Variants in USH2A observed in about 807,000 individuals in gnomAD.
USH2A encodes the protein usherin.
In USH2A, 443 loss-of-function variants were observed where a neutral mutation model predicts 538.9. The observed-to-expected ratio is 0.82, with a 90% confidence interval of 0.76 to 0.89. The LOEUF (loss-of-function observed/expected upper bound fraction) is 0.89, where lower values mean the gene tolerates loss of function less well. USH2A is among the 40% of genes least tolerant of loss of function. The pLI is 0.00. For synonymous variants in USH2A, 2,413 were observed against 2,273.5 expected (o/e 1.06, Z -1.75); for missense variants, 6,633 against 6,324.8 (o/e 1.05, Z -1.65).
At chr1:216,271,353 C>A (rs951252110) in intron 11 of USH2A, among the ~76,000 whole-genome samples, 1 of 152,068 alleles carries the variant, frequency 6.6e-6, no homozygotes, top group Non-Finnish European at 1.5e-5. Context: ...GAATATAAAG[C>A]GGTTTTTCAT....
At chr1:215,850,190 G>A (rs1391692027) in intron 44 of USH2A, among the ~76,000 whole-genome samples, 1 of 151,998 alleles carries the variant, frequency 6.6e-6, no homozygotes, top group Non-Finnish European at 1.5e-5. Flanking sequence ...AACAGCAGAT[G>A]AGAAAGGCAA....
chr1:215,808,755 TTA>T (rs1662574655), intron 49 of USH2A, among the ~76,000 whole-genome samples: 2 of 152,146 alleles, frequency 1.3e-5, no homozygotes, highest in Admixed American at 6.6e-5. Context: ...TTGTTCTTTT[TTA>T]TTGCTACATA....
At chr1:215,814,572 C>T (rs1169648861) in intron 48 of USH2A, among the ~76,000 whole-genome samples, 3 of 151,968 alleles carry the variant, frequency 2.0e-5, no homozygotes, top group East Asian at 1.9e-4. Context: ...TGAGTTCTCA[C>T]GAGATTTGAT....
At chr1:215,676,697 C>A (rs372200776) in intron 62 of USH2A, among the ~76,000 whole-genome samples, 3 of 152,272 alleles carry the variant, frequency 2.0e-5, no homozygotes, top group South Asian at 4.1e-4. Context: ...GGACCCAGGG[C>A]AAGACCACCC....
intron 21 of USH2A, chr1:216,174,445 A>AGTAAGGCCAGGAGGAGG (rs2034333149): frequency 2.0e-6 from 2 of 985,306 alleles, no homozygotes; most frequent in Non-Finnish European, 2.4e-6. Context: ...TTGCGGTACT[A>AGTAAGGCCAGGAGGAGG]GTAAGGCCAG....
In USH2A at chr1:215,877,862, A is replaced by G. The variant is rs910749180; in HGVS notation, c.8577T>C (p.Arg2859=). ...TTGATGCAAGTGGCTGCTGGATTTT[A>G]CGTCTCAGAAGCTCATATCTAAAGC... is the stretch of plus-strand genomic sequence containing the variant. ...GPNLRYELLR[R]KIQQPLASNP... The change falls in exon 43 of 72, where the codon CGT becomes CGC. Residue 2859 remains arginine (R), a synonymous_variant. Transcript: ENST00000307340. 1.2e-6 allele frequency: 2 copies of G among 1,613,650 alleles called. No homozygotes were observed. Among genetic ancestry groups the G allele is most frequent in the African/African-American group, 1.3e-5 (1 of 74,916 alleles).
At chr1:216,226,150 T>C (rs140666485) in intron 14 of USH2A, among the ~76,000 whole-genome samples, 166 of 152,252 alleles carry the variant, frequency 1.1e-3, no homozygotes, top group African/African-American at 3.7e-3. Flanking sequence ...TGAGAAGCAA[T>C]CATAAATCAG....
chr1:215,918,890 T>C (rs950851533), intron 38 of USH2A, among the ~76,000 whole-genome samples: 2 of 152,120 alleles, frequency 1.3e-5, no homozygotes, highest in African/African-American at 2.4e-5. Context: ...CAGTATAGCA[T>C]TGGCATCAGA....
intron 48 of USH2A, among the ~76,000 whole-genome samples, chr1:215,815,528 G>T (rs1033099234): frequency 2.0e-5 from 3 of 151,658 alleles, no homozygotes; most frequent in African/African-American, 7.3e-5. Context: ...CACTTATTTG[G>T]TACAAAGCTT....
At chr1:215,776,241 G>A (rs1485763586) in intron 55 of USH2A, among the ~76,000 whole-genome samples, 1 of 152,182 alleles carries the variant, frequency 6.6e-6, no homozygotes, top group Non-Finnish European at 1.5e-5. Flanking sequence ...GCGAATATGA[G>A]AAGATGATGG....
At chr1:216,110,544 A>C (rs568277502) in intron 21 of USH2A, among the ~76,000 whole-genome samples, 1 of 152,366 alleles carries the variant, frequency 6.6e-6, no homozygotes, top group East Asian at 1.9e-4. Context: ...GCTCTGAATA[A>C]TAAAGATAAA....
At chr1:216,285,004 GA>G (rs1478311911) in intron 11 of USH2A, among the ~76,000 whole-genome samples, 1 of 152,192 alleles carries the variant, frequency 6.6e-6, no homozygotes, top group Non-Finnish European at 1.5e-5. Context: ...AAGTGTTAAA[GA>G]GGAAGCAGAG....
At chr1:215,743,406 G>GTATATATATA (rs1172597993) in intron 58 of USH2A, 71 bp from the exon 59 acceptor site, 3 of 471,684 alleles carry the variant, frequency 6.4e-6, no homozygotes, top group African/African-American at 2.6e-5. Flanking sequence ...GTGTGTGTGT[G>GTATATATATA]TGTGTGTGTG....
At chr1:215,781,488 C>G (rs1661633275) in intron 54 of USH2A, among the ~76,000 whole-genome samples, 1 of 152,078 alleles carries the variant, frequency 6.6e-6, no homozygotes, top group Admixed American at 6.6e-5. Context: ...TAATTGAGTA[C>G]CAAGTTTTGT....
chr1:215,912,373 G>C (rs1046860799), intron 38 of USH2A, among the ~76,000 whole-genome samples: 1 of 150,826 alleles, frequency 6.6e-6, no homozygotes, highest in Non-Finnish European at 1.5e-5. Flanking sequence ...TTTTATTTTT[G>C]TACATGGTGA....
chr1:215,993,677 T>C (rs557919690), intron 34 of USH2A, among the ~76,000 whole-genome samples: 7 of 152,352 alleles, frequency 4.6e-5, no homozygotes, highest in African/African-American at 1.7e-4. Flanking sequence ...AATATGTTTA[T>C]AGCATAACAC....
Position 215,648,650 on chromosome 1 carries a change from A to C in USH2A, c.14460T>G (p.Ala4820=). 1 of 1,614,190 alleles carries C rather than the reference A, an allele frequency of 6.2e-7. No homozygotes were observed. Among genetic ancestry groups the C allele is most frequent in the Non-Finnish European group, 8.5e-7 (1 of 1,180,038 alleles). Residue 4820 remains alanine (A), a synonymous_variant, in exon 66 of 72, where the codon GCT becomes GCG. Transcript: ENST00000307340. The part of the protein sequence containing the change: ...CFNCCSKGPT[A]ELRTHPAPPS... ...GTGGGGCAGGATGGGTTCTCAGTTC[A>C]GCTGTCGGTCCTTTGCTGCAACAGT...
intron 43 of USH2A, among the ~76,000 whole-genome samples, chr1:215,875,427 AT>A (rs1330627155): frequency 6.6e-6 from 1 of 152,142 alleles, no homozygotes; most frequent in Non-Finnish European, 1.5e-5. Context: ...CAATTTTGTT[AT>A]CTGCACACTT....
At chr1:216,276,089 T>C (rs2036665351) in intron 11 of USH2A, among the ~76,000 whole-genome samples, 1 of 152,152 alleles carries the variant, frequency 6.6e-6, no homozygotes, top group Admixed American at 6.6e-5. Context: ...CACAACCTCC[T>C]TATTACTTGT....
Sources: allele counts gnomAD v4.1 joint callset (sites outside exome capture counted in the v4.1 genomes callset), GRCh38; gene constraint gnomAD v4.1.1; transcripts MANE v1.5; gene names NCBI Gene and HGNC (gene_info 2026-07-23, HGNC 2026-07-21).